IQGAP2: variants seen among roughly 807,000 people sequenced by gnomAD.
IQGAP2 encodes the protein ras GTPase-activating-like protein IQGAP2.
Under a neutral mutation model 201.3 loss-of-function variants are expected in IQGAP2, and 173 were observed. The ratio of observed to expected loss-of-function variants is 0.86; its 90% CI spans 0.76 to 0.98. The LOEUF is 0.98. IQGAP2 is among the 50% of genes least tolerant of loss of function. The pLI is 0.00. For synonymous variants in IQGAP2, 675 were observed against 673.9 expected, an observed-to-expected ratio of 1.00 and a Z score of -0.03; for missense variants, 1,687 against 1,864.8, an observed-to-expected ratio of 0.90 and a Z score of 1.76.
chr5:76,497,077 C>T (rs1757035143), intron 2 of IQGAP2, among the ~76,000 whole-genome samples: 1 of 152,118 alleles, frequency 6.6e-6, no homozygotes, highest in South Asian at 2.1e-4. Flanking sequence ...ATCCACCCAC[C>T]TCAGCCTCTC....
At chr5:76,666,568 A>G (rs1209552240) in intron 22 of IQGAP2, among the ~76,000 whole-genome samples, 2 of 152,254 alleles carry the variant, frequency 1.3e-5, no homozygotes, top group Non-Finnish European at 2.9e-5. Context: ...TCCGCAAACA[A>G]TCCAAAATGT....
intron 19 of IQGAP2, among the ~76,000 whole-genome samples, chr5:76,654,652 C>G (rs1426266921): frequency 6.6e-6 from 1 of 152,218 alleles, no homozygotes. Context: ...GATATGGGAA[C>G]ATAGATTGGA....
chr5:76,637,067 T>C lies in IQGAP2; in HGVS notation c.1814T>C (p.Leu605Pro), dbSNP rs2150395145. The change falls in exon 16 of 36, where the codon CTG becomes CCG. Residue 605 changes from leucine (L) to proline (P), a missense_variant. Physicochemically the swap from Leu to Pro is moderately conservative, Grantham distance 98. Coordinates refer to ENST00000274364, the MANE Select transcript of IQGAP2 (RefSeq NM_006633.5). Reference protein sequence around the residue: ...SSDGSWLKLNLHKKYDYYYNT... With the variant: ...SSDGSWLKLNPHKKYDYYYNT... ...GACGGTTCATGGCTCAAACTCAACCTGCACAAAAAATATGACTACTATTAC... is the reference window on the plus strand; with the variant it reads ...GACGGTTCATGGCTCAAACTCAACCCGCACAAAAAATATGACTACTATTAC... The C allele has an allele frequency of 1.2e-6, 2 of 1,611,702 alleles. No individual in the cohort carries two copies. Among genetic ancestry groups the C allele is most frequent in the Non-Finnish European group, 1.7e-6 (2 of 1,178,606 alleles).
chr5:76,631,720 G>T, intron 14 of IQGAP2, 139 bp from the exon 15 acceptor site: 1 of 549,024 alleles, frequency 1.8e-6, no homozygotes, highest in Non-Finnish European at 3.1e-6. Flanking sequence ...TGATTGTCTT[G>T]GGCATATGTG....
At chr5:76,438,179 A>C (rs1164291254) in intron 1 of IQGAP2, among the ~76,000 whole-genome samples, 1 of 151,934 alleles carries the variant, frequency 6.6e-6, no homozygotes, top group Admixed American at 6.6e-5. Context: ...TCTTCTTTGA[A>C]TGTCTGGTCG....
chr5:76,411,850 G>T (rs1168662021), intron 1 of IQGAP2, among the ~76,000 whole-genome samples: 1 of 152,202 alleles, frequency 6.6e-6, no homozygotes, highest in Non-Finnish European at 1.5e-5. Flanking sequence ...GCTTCCCAGG[G>T]ATTTCAGCTG....
chr5:76,670,682 G>A (rs1014317085), intron 23 of IQGAP2, among the ~76,000 whole-genome samples: 8 of 152,164 alleles, frequency 5.3e-5, no homozygotes, highest in African/African-American at 1.9e-4. Flanking sequence ...GAGGAAGAGA[G>A]GAGAGAGGCC....
chr5:76,524,640 C>G (rs1758867574), intron 2 of IQGAP2, among the ~76,000 whole-genome samples: 2 of 152,138 alleles, frequency 1.3e-5, no homozygotes, highest in African/African-American at 4.8e-5. Context: ...TTGAACAAGC[C>G]AAAGGAAGAA....
chr5:76,641,654 G>C (rs6873976), intron 17 of IQGAP2, among the ~76,000 whole-genome samples: 2,528 of 152,224 alleles, frequency 0.017, 73 homozygotes, highest in African/African-American at 0.057. Flanking sequence ...TAAACTTTCT[G>C]ATTGGCAGGA....
At chr5:76,517,587 A>G (rs1758403924) in intron 2 of IQGAP2, among the ~76,000 whole-genome samples, 1 of 150,758 alleles carries the variant, frequency 6.6e-6, no homozygotes, top group East Asian at 1.9e-4. Context: ...CCTGGGTGAC[A>G]AAGTGAGACC....
chr5:76,622,097 C>T (rs1261857575), intron 13 of IQGAP2, among the ~76,000 whole-genome samples: 1 of 152,158 alleles, frequency 6.6e-6, no homozygotes, highest in Non-Finnish European at 1.5e-5. Context: ...AAGCTTGCTT[C>T]ATTCTTCCTT....
chr5:76,588,840 T>G, intron 5 of IQGAP2, 66 bp from the exon 6 acceptor site: 2 of 942,308 alleles, frequency 2.1e-6, no homozygotes. Context: ...TTAAGAATTA[T>G]GTAATTTATA....
In IQGAP2 at chr5:76,683,826, C is replaced by T; in HGVS notation, c.3814C>T (p.Gln1272Ter). Residue 1272 changes from glutamine (Q) to a stop codon, truncating the protein, a stop_gained, in exon 30 of 36, where the codon CAG becomes TAG. Coordinates refer to ENST00000274364, the MANE Select transcript of IQGAP2 (RefSeq NM_006633.5). LOFTEE classifies it high-confidence loss of function. ...NDPNKANTLS[Q>*]LSKTEISLVL... ...CCCTAACAAGGCAAATACACTAAGT[C>T]AGCTTTCAAAGACCGAGATTTCTCT... 2 of 1,613,684 alleles carry T rather than the reference C, an allele frequency of 1.2e-6. No homozygotes were observed. Among genetic ancestry groups the T allele is most frequent in the Non-Finnish European group, 8.5e-7 (1 of 1,179,768 alleles).
chr5:76,523,291 A>C (rs764536193), intron 2 of IQGAP2, among the ~76,000 whole-genome samples: 3 of 151,790 alleles, frequency 2.0e-5, no homozygotes, highest in Non-Finnish European at 4.4e-5. Context: ...GAGTCTCTCT[A>C]TGCTGCTGGG....
Position 76,417,981 on chromosome 5 carries a change from G to A in IQGAP2, c.46+14390G>A, listed in dbSNP as rs556299733. Among the ~76,000 whole-genome samples, 19 of 151,656 alleles carry A rather than the reference G, an allele frequency of 1.3e-4. No homozygotes were observed. In the South Asian group the frequency reaches 3.3e-3, roughly 27 times the overall value. On this transcript the variant is annotated intron_variant, in intron 1 of 35. Transcript: ENST00000274364. ...CCCAGCACTTTGGGAGGCCGAGGCA[G>A]GCAGATCATGAGGTCAGGAGTTCAA...
At chr5:76,585,269 C>T (rs1053775129) in intron 5 of IQGAP2, among the ~76,000 whole-genome samples, 6 of 152,108 alleles carry the variant, frequency 3.9e-5, no homozygotes, top group African/African-American at 9.7e-5. Context: ...AGATGCAGCA[C>T]ATTAAGTACT....
chr5:76,588,371 C>T (rs959392309), intron 5 of IQGAP2, among the ~76,000 whole-genome samples: 4 of 152,182 alleles, frequency 2.6e-5, no homozygotes, highest in Non-Finnish European at 5.9e-5. Flanking sequence ...TATTCTCCAT[C>T]TTCCACTTGG....
At position 76,701,209 on chromosome 5, in the gene IQGAP2, A is replaced by G. The variant is rs1474217942; in HGVS notation, c.4501A>G (p.Asn1501Asp). Residue 1501 changes from asparagine to aspartate, a missense_variant, in exon 34 of 36, where the codon AAC becomes GAC. By Grantham distance (23) the Asn-to-Asp change is conservative. Transcript: ENST00000274364. Reference protein sequence around the residue: ...VLLDIDDLQTNQFKNVTFDII... With the variant: ...VLLDIDDLQTDQFKNVTFDII... Reference sequence around the variant, plus strand: ...GCTAGATATAGATGATCTTCAAACAAACCAGTAAGTGTGACCTGGAATCTG... The same window carrying G: ...GCTAGATATAGATGATCTTCAAACAGACCAGTAAGTGTGACCTGGAATCTG... 1 of 1,614,082 alleles carries G rather than the reference A, an allele frequency of 6.2e-7. No homozygotes were observed. The highest frequency in any genetic ancestry group is 2.2e-5 in the East Asian group (1 of 44,888).
intron 11 of IQGAP2, among the ~76,000 whole-genome samples, chr5:76,604,113 T>C (rs78231469): frequency 6.6e-6 from 1 of 152,164 alleles, no homozygotes; most frequent in Non-Finnish European, 1.5e-5. Context: ...TTTCTCCTAA[T>C]GCTATTCCTC....
Sources: gnomAD v4.1 joint callset for allele counts (sites outside exome capture counted in the v4.1 genomes callset) on GRCh38, gnomAD v4.1.1 for gene constraint, MANE v1.5 for transcripts, NCBI Gene and HGNC (gene_info 2026-07-23, HGNC 2026-07-21) for gene names.